LRRC20: variants seen among roughly 807,000 people sequenced by gnomAD.
The protein encoded by LRRC20 is leucine rich repeat containing 20.
In LRRC20, 11 loss-of-function variants were observed where a neutral mutation model predicts 14.4. That is an observed-to-expected ratio of 0.77 (90% CI 0.48 to 1.27). LRRC20 has a LOEUF of 1.27. LRRC20 is among the 50% of genes most tolerant of loss of function. The pLI is 0.00. For missense variants in LRRC20, 219 were observed against 251.2 expected (o/e 0.87, Z 0.87); for synonymous variants, 121 against 107.3 (o/e 1.13, Z -0.79).
At position 70,301,501 on chromosome 10, in the gene LRRC20, G is replaced by A. The variant is rs534337451; in HGVS notation, c.408C>T (p.Pro136=). ...NLEENEIVDV[P]VEKLAAMPAL... ...CTGGCATGGCGGCCAGCTTCTCCAC[G>A]GGCACATCTATTGGGGACAGAATGG... is the stretch of plus-strand genomic sequence containing the variant. Residue 136 remains proline, a synonymous_variant, in exon 5 of 5, where the codon CCC becomes CCT. Coordinates refer to ENST00000446961, the MANE Select transcript of LRRC20 (RefSeq NM_001278212.2). 9.3e-6 allele frequency: 15 copies of A among 1,613,902 alleles called. No homozygotes were observed. Among genetic ancestry groups the A allele is most frequent in the African/African-American group, 5.3e-5 (4 of 75,062 alleles).
chr10:70,356,808 G>A (rs182417093), intron 2 of LRRC20, among the ~76,000 whole-genome samples: 2 of 151,914 alleles, frequency 1.3e-5, no homozygotes, highest in African/African-American at 2.4e-5. Flanking sequence ...CCAAGATCGC[G>A]CCACTGCACT....
chr10:70,325,765 A>G (rs1842291726), intron 3 of LRRC20, among the ~76,000 whole-genome samples: 1 of 152,182 alleles, frequency 6.6e-6, no homozygotes, highest in South Asian at 2.1e-4. Context: ...GGTGCCCTGC[A>G]CTGTGGACGG....
rs537640198 is a variant in LRRC20, at chr10:70,327,134, G to A, written c.233-3104C>T. On this transcript the variant is annotated intron_variant, in intron 3 of 4. Coordinates refer to ENST00000446961, the MANE Select transcript of LRRC20 (RefSeq NM_001278212.2). Reference sequence around the variant, plus strand: ...CTTGGGGGTCATGGCCGATGCGGCCGTGGAAGCTAATGTGGGGGCTGTGAT... The same window carrying A: ...CTTGGGGGTCATGGCCGATGCGGCCATGGAAGCTAATGTGGGGGCTGTGAT... Among the ~76,000 whole-genome samples, 8 of 152,358 alleles carry A rather than the reference G, an allele frequency of 5.3e-5. No homozygotes were observed. In the East Asian group the frequency reaches 9.6e-4, roughly 18 times the overall value.
In LRRC20 at chr10:70,315,527, A is replaced by G. The variant is rs183603568; in HGVS notation, c.400+8336T>C. 4.2e-3 allele frequency among the ~76,000 whole-genome samples: 636 copies of G among 152,320 alleles called. 2 individuals are homozygous for G. Among genetic ancestry groups the G allele is most frequent in the Non-Finnish European group, 7.2e-3 (492 of 68,038 alleles). ...GGATTTCTGACTTTAGGGTCCAAAGACTGTTTACAAATTGATTCACAACCC... is the reference window on the plus strand; with the variant it reads ...GGATTTCTGACTTTAGGGTCCAAAGGCTGTTTACAAATTGATTCACAACCC... On this transcript the variant is annotated intron_variant, in intron 4 of 4. Transcript: ENST00000446961.
chr10:70,304,470 TTATATATATATATATATATATA>T (rs57284629), intron 4 of LRRC20, among the ~76,000 whole-genome samples: 3 of 113,826 alleles, frequency 2.6e-5, no homozygotes, highest in South Asian at 2.8e-4. Context: ...GGCCACTTCT[TTATATATATATATATATATATA>T]TATATATATA....
intron 2 of LRRC20, among the ~76,000 whole-genome samples, chr10:70,362,072 C>T (rs1160443120): frequency 6.6e-6 from 1 of 152,234 alleles, no homozygotes; most frequent in Non-Finnish European, 1.5e-5. Flanking sequence ...GTAATCCCAG[C>T]TACTCAGGAG....
chr10:70,321,947 T>C (rs886223229), intron 4 of LRRC20, among the ~76,000 whole-genome samples: 29 of 152,216 alleles, frequency 1.9e-4, no homozygotes, highest in Non-Finnish European at 4.4e-5. Context: ...GATATGTCTA[T>C]GCAAGAGGAG....
intron 3 of LRRC20, among the ~76,000 whole-genome samples, chr10:70,331,373 C>T (rs989470268): frequency 3.3e-5 from 5 of 152,234 alleles, no homozygotes; most frequent in Admixed American, 1.3e-4. Flanking sequence ...GCTGCTGATG[C>T]CTTGGCTTTC....
At chr10:70,376,889 G>T in intron 1 of LRRC20, 1 of 294,022 alleles carries the variant, frequency 3.4e-6, no homozygotes, top group Non-Finnish European at 6.6e-6. Flanking sequence ...CCAGGGAGGT[G>T]TGAGGACTCA....
In LRRC20 at chr10:70,301,372, T is replaced by G. The variant is rs560529350; in HGVS notation, c.537A>C (p.Ala179=). 6.2e-7 allele frequency: 1 copy of G among 1,613,244 alleles called. No homozygotes were observed. The highest frequency in any genetic ancestry group is 2.2e-5 in the East Asian group (1 of 44,880). ...KFDMLMSPEG[A]RAPLP ...GGGTGGCCTAAGGTAGGGGGGCTCT[T>G]GCGCCTTCCGGAGACATGAGCATGT... The change falls in exon 5 of 5, where the codon GCA becomes GCC. Residue 179 remains alanine, a synonymous_variant. Coordinates refer to ENST00000446961, the MANE Select transcript of LRRC20 (RefSeq NM_001278212.2).
In LRRC20 at chr10:70,370,355, G is replaced by A. The variant is rs150613155; in HGVS notation, c.82+6097C>T. ...ACAGATGATAGTTCACCAGACAGGA[G>A]CACAGGGTCCAAATTATTATATTAT... On this transcript the variant is annotated intron_variant, in intron 2 of 4. Transcript: ENST00000446961. Among the ~76,000 whole-genome samples, 135 of 152,262 alleles carry A rather than the reference G, an allele frequency of 8.9e-4. 5 individuals carry two copies. The East Asian group carries it at 0.018, about 21-fold the overall frequency.
At chr10:70,305,642 C>A (rs1477299689) in intron 4 of LRRC20, among the ~76,000 whole-genome samples, 2 of 152,186 alleles carry the variant, frequency 1.3e-5, no homozygotes, top group African/African-American at 2.4e-5. Flanking sequence ...CTCTTCCCCC[C>A]TCCTTTTTTC....
chr10:70,330,405 T>C (rs79914651), intron 3 of LRRC20, among the ~76,000 whole-genome samples: 5,535 of 152,284 alleles, frequency 0.036, 158 homozygotes, highest in East Asian at 0.096. Context: ...AAGTTGTTTA[T>C]AATAAACCTG....
intron 4 of LRRC20, among the ~76,000 whole-genome samples, chr10:70,310,869 C>A (rs1312220770): frequency 6.6e-6 from 1 of 152,250 alleles, no homozygotes; most frequent in Non-Finnish European, 1.5e-5. Context: ...GTATCCTAGT[C>A]TTCCCCTTTG....
chr10:70,367,339 A>AAG (rs1844050130), intron 2 of LRRC20, among the ~76,000 whole-genome samples: 2 of 145,500 alleles, frequency 1.4e-5, no homozygotes, highest in African/African-American at 5.0e-5. Context: ...AAAAAAAAAA[A>AAG]AAAAGAAAGA....
intron 2 of LRRC20, among the ~76,000 whole-genome samples, chr10:70,368,518 G>A (rs923279949): frequency 1.3e-5 from 2 of 151,932 alleles, no homozygotes; most frequent in South Asian, 4.2e-4. Flanking sequence ...TTGAACTCCT[G>A]ACCTCAAGTG....
intron 4 of LRRC20, among the ~76,000 whole-genome samples, chr10:70,305,167 A>G (rs1841372145): frequency 6.6e-6 from 1 of 152,168 alleles, no homozygotes; most frequent in African/African-American, 2.4e-5. Flanking sequence ...CTGGGCAACA[A>G]GAGCGAAACT....
In LRRC20 at chr10:70,299,870, A is replaced by G. The variant is rs999398611; in HGVS notation, c.*1484T>C. On this transcript the variant is annotated 3_prime_UTR_variant, in exon 5 of 5. Coordinates refer to ENST00000446961, the MANE Select transcript of LRRC20 (RefSeq NM_001278212.2). ...ATACTGAGCGCTCAGTGATGGCCCAACAATGGCCCGACCTATCAGTTCCTT... is the reference window on the plus strand; with the variant it reads ...ATACTGAGCGCTCAGTGATGGCCCAGCAATGGCCCGACCTATCAGTTCCTT... The G allele has an allele frequency of 6.6e-6, 1 of 152,276 alleles. No homozygotes were observed. The highest frequency in any genetic ancestry group is 1.5e-5 in the Non-Finnish European group (1 of 68,094). 9.4% of individuals were successfully genotyped at this position (152,276 alleles called of 1,614,324 possible). A position where few individuals can be genotyped will look rare whatever the true frequency, so the allele number is the denominator to read the frequency against.
intron 2 of LRRC20, among the ~76,000 whole-genome samples, chr10:70,363,277 G>C (rs1366385465): frequency 6.6e-6 from 1 of 150,480 alleles, no homozygotes; most frequent in Non-Finnish European, 1.5e-5. Flanking sequence ...GAGGGGAGGG[G>C]AGAAGAAACC....
Sources: gnomAD v4.1 joint callset for allele counts (sites outside exome capture counted in the v4.1 genomes callset) on GRCh38, gnomAD v4.1.1 for gene constraint, MANE v1.5 for transcripts, NCBI Gene and HGNC (gene_info 2026-07-23, HGNC 2026-07-21) for gene names.